The following CLDN14 variants were observed in gnomAD, a reference collection of about 807,000 sequenced individuals.
CLDN14 encodes the protein claudin-14.
CLDN14 carries 2 observed loss-of-function variants against 2.1 expected under a neutral mutation model. The observed-to-expected ratio is 0.96, with a 90% CI of 0.39 to 3.01. The LOEUF (loss-of-function observed/expected upper bound fraction) is 3.01. Ranked by LOEUF, CLDN14 falls within the 30% of genes most tolerant of loss-of-function variation. The probability of loss-of-function intolerance (pLI) is 0.09; values close to 1 mark genes in which losing one functional copy is unlikely to be tolerated. For synonymous variants in CLDN14, 136 were observed against 154.4 expected, an observed-to-expected ratio of 0.88 and a Z score of 0.88; for missense variants, 298 against 328.0, an observed-to-expected ratio of 0.91 and a Z score of 0.71.
rs1241879036 is a variant in CLDN14 at position 36,486,207 on chromosome 21, C to G, written c.-82+24156G>C. 7.3e-6 allele frequency: 7 copies of G among 957,174 alleles called. No individual in the cohort carries two copies. In the South Asian group the frequency reaches 9.0e-5, roughly 12 times the overall value. 59.3% of individuals were successfully genotyped at this position (957,174 alleles called of 1,614,324 possible). ...GAGCTGGCATCAATGTCTACTGATT[C>G]CGCCTGGCCAAACTCTGCTCCTGCA... On this transcript the variant is annotated intron_variant, in intron 2 of 2. Coordinates refer to the CLDN14 transcript ENST00000342108.
At chr21:36,469,645 T>C (rs1377564947) in intron 1 of CLDN14, among the ~76,000 whole-genome samples, 1 of 152,182 alleles carries the variant, frequency 6.6e-6, no homozygotes, top group African/African-American at 2.4e-5. Context: ...TGAATACAAA[T>C]GAAAACCATG....
In CLDN14 at chr21:36,520,074, GCCT is replaced by G. The variant is rs1455173215; in HGVS notation, c.-219-9577_-219-9575del. 6.6e-5 allele frequency among the ~76,000 whole-genome samples: 10 copies of G among 152,254 alleles called. No individual in the cohort carries two copies. The South Asian group carries it at 1.2e-3, about 19-fold the overall frequency. The stretch of plus-strand genomic sequence containing the variant: ...TTGGCAGGGCTGTGCTCCCTCTGAG[GCCT>G]CCTCCAGGGAGGATCCTTCCTTGCC... On this transcript the variant is annotated intron_variant, in intron 1 of 2. Transcript: ENST00000342108.
chr21:36,556,554 C>T (rs367980575), intron 1 of CLDN14, among the ~76,000 whole-genome samples: 1 of 152,186 alleles, frequency 6.6e-6, no homozygotes, highest in Non-Finnish European at 1.5e-5. Context: ...CTGACTATGT[C>T]GCTTCTTTCC....
intron 1 of CLDN14, among the ~76,000 whole-genome samples, chr21:36,563,743 G>C (rs1365406211): frequency 6.6e-6 from 1 of 152,158 alleles, no homozygotes; most frequent in Non-Finnish European, 1.5e-5. Context: ...CGAAAGACAC[G>C]TGGAGCCTTT....
intron 1 of CLDN14, among the ~76,000 whole-genome samples, chr21:36,517,132 G>A (rs1408294073): frequency 1.3e-5 from 2 of 152,186 alleles, no homozygotes; most frequent in African/African-American, 4.8e-5. Flanking sequence ...GAGCCACCAC[G>A]CCTGGCCTGG....
chr21:36,564,440 A>G (rs2087658419), intron 1 of CLDN14, among the ~76,000 whole-genome samples: 1 of 152,188 alleles, frequency 6.6e-6, no homozygotes, highest in Non-Finnish European at 1.5e-5. Context: ...TGACAGAACC[A>G]CCAGTAAAAC....
upstream of CLDN14, among the ~76,000 whole-genome samples, chr21:36,483,571 G>A (rs947192489): frequency 6.6e-6 from 1 of 152,210 alleles, no homozygotes; most frequent in Non-Finnish European, 1.5e-5. Flanking sequence ...AGGAACCAGG[G>A]TTTCTTCTTT....
At chr21:36,464,466 G>A (rs2086620574) in intron 1 of CLDN14, among the ~76,000 whole-genome samples, 1 of 152,214 alleles carries the variant, frequency 6.6e-6, no homozygotes, top group Non-Finnish European at 1.5e-5. Flanking sequence ...CACGATGCTG[G>A]CTTTGCACAA....
chr21:36,495,334 AAATAAAT>A (rs1352175229), intron 2 of CLDN14, among the ~76,000 whole-genome samples: 1 of 152,236 alleles, frequency 6.6e-6, no homozygotes, highest in East Asian at 1.9e-4. Context: ...CATCTCAGAA[AAATAAAT>A]AATAAATAAA....
At chr21:36,486,883 A>G (rs1402383214) in intron 2 of CLDN14, 2 of 683,982 alleles carry the variant, frequency 2.9e-6, no homozygotes, top group Admixed American at 1.9e-5. Flanking sequence ...TAGCTTGGAC[A>G]GGATGCGGCC....
intron 2 of CLDN14, among the ~76,000 whole-genome samples, chr21:36,509,776 A>G (rs1284443726): frequency 6.6e-6 from 1 of 151,970 alleles, no homozygotes; most frequent in Non-Finnish European, 1.5e-5. Context: ...TTGTATTTTT[A>G]GTAGAGATGG....
rs777960789 is a variant in CLDN14, at chr21:36,461,501, C to T, written c.195G>A (p.Gln65=). The change falls in exon 2 of 2, where the codon CAG becomes CAA. Residue 65 remains glutamine (Q), a synonymous_variant. Transcript: ENST00000399135. ...GCAGCGCCAGCAGGGATCGGTAGAT[C>T]TGGCACTGGTAGATGCCTGTGCTGT... ...VWHSTGIYQC[Q]IYRSLLALPQ... is the part of the protein sequence containing the mutation. 1 of 1,613,344 alleles carries T rather than the reference C, an allele frequency of 6.2e-7. No individual in the cohort carries two copies. The highest frequency in any genetic ancestry group is 1.3e-5 in the African/African-American group (1 of 74,942).
At chr21:36,574,242 T>C (rs1248723223) in intron 1 of CLDN14, among the ~76,000 whole-genome samples, 3 of 152,174 alleles carry the variant, frequency 2.0e-5, no homozygotes, top group African/African-American at 7.2e-5. Flanking sequence ...AGTTGCTCAA[T>C]AGACCAACAA....
intron 1 of CLDN14, among the ~76,000 whole-genome samples, chr21:36,552,776 G>A (rs1159629512): frequency 1.3e-5 from 2 of 152,162 alleles, no homozygotes; most frequent in Non-Finnish European, 2.9e-5. Context: ...GGAATGTCAG[G>A]CCATTCTCAG....
At chr21:36,474,211 C>T (rs1021342307) in intron 1 of CLDN14, among the ~76,000 whole-genome samples, 2 of 152,214 alleles carry the variant, frequency 1.3e-5, no homozygotes, top group Non-Finnish European at 2.9e-5. Context: ...TTTCATCTAC[C>T]TCTCACTGAC....
At chr21:36,549,899 CG>C (rs1203833185) in intron 1 of CLDN14, among the ~76,000 whole-genome samples, 6 of 152,208 alleles carry the variant, frequency 3.9e-5, no homozygotes, top group African/African-American at 1.4e-4. Context: ...CCCCTGAGCA[CG>C]GATGACGCTT....
chr21:36,499,976 C>A lies in CLDN14; in HGVS notation c.-82+10387G>T, dbSNP rs1396269965. ...CGCGCACACAGAGTCTACCTGTCTTCCAATGCGAGTCCCGCGAGGTGAAGA... is the reference window on the plus strand; with the variant it reads ...CGCGCACACAGAGTCTACCTGTCTTACAATGCGAGTCCCGCGAGGTGAAGA... On this transcript the variant is annotated intron_variant, in intron 2 of 2. Coordinates refer to the CLDN14 transcript ENST00000342108. This position sits in a 1 kb window ranked among gnomAD's most constrained non-coding sequence, Gnocchi z 4.7. 6.6e-6 allele frequency among the ~76,000 whole-genome samples: 1 copy of A among 151,992 alleles called. No individual in the cohort carries two copies. The highest frequency in any genetic ancestry group is 1.5e-5 in the Non-Finnish European group (1 of 68,032).
At chr21:36,553,249 C>G (rs1215651139) in intron 1 of CLDN14, among the ~76,000 whole-genome samples, 1 of 152,218 alleles carries the variant, frequency 6.6e-6, no homozygotes, top group Non-Finnish European at 1.5e-5. Flanking sequence ...AGTCTTACCT[C>G]TGCCTTCAGT....
Position 36,497,560 on chromosome 21 carries a change from C to G in CLDN14, c.-82+12803G>C, listed in dbSNP as rs538090695. The stretch of plus-strand genomic sequence containing the variant: ...ACTCTTATCTTTCAGCAAACTCCAA[C>G]AGGCCCCAAACGAGCTGAGAAAATA... On this transcript the variant is annotated intron_variant, in intron 2 of 2. Coordinates refer to the CLDN14 transcript ENST00000342108. Among the ~76,000 whole-genome samples, 37 of 152,138 alleles carry G rather than the reference C, an allele frequency of 2.4e-4. No homozygotes were observed. The South Asian group carries it at 7.5e-3, about 31-fold the overall frequency.
Sources: allele counts gnomAD v4.1 joint callset (sites outside exome capture counted in the v4.1 genomes callset), GRCh38; gene constraint gnomAD v4.1.1; non-coding constraint Gnocchi (gnomAD v3.1); transcripts MANE v1.5; gene names NCBI Gene and HGNC (gene_info 2026-07-23, HGNC 2026-07-21).